The following DOP1B variants were observed in gnomAD, a reference collection of about 807,000 sequenced individuals.
DOP1B encodes the protein DOP1 leucine zipper like protein B, also known as protein DOP1B.
DOP1B carries 174 observed loss-of-function variants against 233.5 expected under a neutral mutation model. The observed-to-expected ratio is 0.75, with a 90% CI of 0.66 to 0.85. The LOEUF (loss-of-function observed/expected upper bound fraction) is 0.85. Among genes scored for constraint, DOP1B ranks in the 40% least tolerant of loss-of-function variants. DOP1B has a pLI of 0.00. For synonymous variants in DOP1B, 1,190 were observed against 1,185.6 expected (o/e 1.00, Z -0.08); for missense variants, 2,652 against 2,846.6 (o/e 0.93, Z 1.56).
At chr21:36,180,202 T>C (rs553720767) in intron 2 of DOP1B, among the ~76,000 whole-genome samples, 3 of 152,314 alleles carry the variant, frequency 2.0e-5, no homozygotes, top group Middle Eastern at 6.8e-3. Context: ...TAGATTATTC[T>C]GGGAAGAAGT....
At chr21:36,161,189 A>T (rs1286976296) in intron 1 of DOP1B, among the ~76,000 whole-genome samples, 4 of 151,992 alleles carry the variant, frequency 2.6e-5, no homozygotes, top group African/African-American at 9.7e-5. Flanking sequence ...TATGTCACCC[A>T]GGCTGGAGTG....
chr21:36,245,821 C>A lies in DOP1B; in HGVS notation c.3841C>A (p.Leu1281Ile). Residue 1281 changes from leucine to isoleucine, a missense_variant, in exon 19 of 37, where the codon CTC becomes ATC. Coordinates refer to ENST00000691173, the MANE Select transcript of DOP1B (RefSeq NM_001320714.2). The surrounding 1 kb of genome is among the most constrained non-coding windows in gnomAD (Gnocchi z 5.5). ...CGCGCACCTCAACCTCATCTCCAAC[C>A]TCCTCGCTCGCCACCAGGAGGCCCT... ...STAHLNLISN[L>I]LARHQEALIG... 6.2e-7 allele frequency: 1 copy of A among 1,613,960 alleles called. No homozygotes were observed. The highest frequency in any genetic ancestry group is 8.5e-7 in the Non-Finnish European group (1 of 1,180,008).
At chr21:36,210,152 T>C (rs1240425996) in intron 5 of DOP1B, among the ~76,000 whole-genome samples, 1 of 150,936 alleles carries the variant, frequency 6.6e-6, no homozygotes, top group South Asian at 2.1e-4. Context: ...CCAAATCTGC[T>C]AAGAGATTTG....
chr21:36,286,072 G>T (rs1467274547), intron 32 of DOP1B, among the ~76,000 whole-genome samples: 1 of 151,960 alleles, frequency 6.6e-6, no homozygotes, highest in East Asian at 1.9e-4. Context: ...GATACCGTTT[G>T]GGGTCCTTTT....
chr21:36,248,715 T>C, intron 21 of DOP1B, 147 bp downstream of exon 21: 1 of 792,848 alleles, frequency 1.3e-6, no homozygotes, highest in Non-Finnish European at 1.8e-6. Flanking sequence ...TCTAGTTCAT[T>C]TGTTATCAGT....
intron 2 of DOP1B, among the ~76,000 whole-genome samples, chr21:36,178,270 C>T (rs925254552): frequency 5.3e-5 from 8 of 152,080 alleles, no homozygotes; most frequent in Non-Finnish European, 7.4e-5. Context: ...GCAGGTGGAT[C>T]ACTTGAGCCC....
intron 28 of DOP1B, among the ~76,000 whole-genome samples, chr21:36,277,644 T>G (rs914659782): frequency 3.3e-5 from 5 of 151,644 alleles, no homozygotes; most frequent in African/African-American, 1.2e-4. Flanking sequence ...TTTTTTTTCT[T>G]TTTCTTTCTG....
chr21:36,278,596 G>A (rs559255709), intron 30 of DOP1B, among the ~76,000 whole-genome samples: 26 of 152,254 alleles, frequency 1.7e-4, no homozygotes, highest in African/African-American at 5.3e-4. Context: ...GGCTGGGCAC[G>A]GTGGCTCATG....
intron 13 of DOP1B, among the ~76,000 whole-genome samples, chr21:36,228,582 T>C (rs748943799): frequency 1.3e-5 from 2 of 151,808 alleles, no homozygotes; most frequent in African/African-American, 4.8e-5. Flanking sequence ...CTGGCTAACA[T>C]GGTGAAACCC....
intron 2 of DOP1B, among the ~76,000 whole-genome samples, chr21:36,176,097 C>CGTGTGCGTATGTGCGTGTGT (rs375729449): frequency 7.1e-6 from 1 of 141,744 alleles, no homozygotes; most frequent in South Asian, 2.3e-4. Context: ...GGTGTGTGTG[C>CGTGTGCGTATGTGCGTGTGT]GTGTGTGTGT....
chr21:36,224,963 G>T (rs922009518), intron 11 of DOP1B, among the ~76,000 whole-genome samples: 2 of 151,904 alleles, frequency 1.3e-5, no homozygotes, highest in South Asian at 4.2e-4. Context: ...GTGCTTTTGG[G>T]CTTGGACTGG....
At chr21:36,280,776 G>T (rs2067406290) in intron 31 of DOP1B, among the ~76,000 whole-genome samples, 1 of 152,102 alleles carries the variant, frequency 6.6e-6, no homozygotes, top group African/African-American at 2.4e-5. Context: ...GGCTGAGATG[G>T]GCGGATCACA....
intron 27 of DOP1B, among the ~76,000 whole-genome samples, chr21:36,270,980 A>G (rs1313676227): frequency 6.6e-6 from 1 of 151,786 alleles, no homozygotes; most frequent in Admixed American, 6.6e-5. Context: ...TTTTTTCACA[A>G]TGTATGCATA....
intron 24 of DOP1B, among the ~76,000 whole-genome samples, chr21:36,263,124 T>C (rs1459683771): frequency 6.6e-6 from 1 of 150,382 alleles, no homozygotes; most frequent in African/African-American, 2.5e-5. Flanking sequence ...ATCCCAGCTA[T>C]TCGGGAGGCT....
chr21:36,215,751 A>T (rs2066551415), intron 9 of DOP1B, among the ~76,000 whole-genome samples: 1 of 147,606 alleles, frequency 6.8e-6, no homozygotes. Flanking sequence ...ACGGTGGCTC[A>T]CACCTGTGAT....
At position 36,293,651 on chromosome 21, in the gene DOP1B, C is replaced by T; in HGVS notation, c.*80C>T. On this transcript the variant is annotated 3_prime_UTR_variant, in exon 37 of 37. Transcript: ENST00000691173. ...GTTATATTCTAAAGAAGAAAGAAGG[C>T]AGGATAGTGCTTTTGAACAAGCCTA... is the stretch of plus-strand genomic sequence containing the variant. 4 of 1,463,934 alleles carry T rather than the reference C, an allele frequency of 2.7e-6. No individual in the cohort carries two copies. The highest frequency in any genetic ancestry group is 2.8e-6 in the Non-Finnish European group (3 of 1,066,550). 90.7% of individuals were successfully genotyped at this position (1,463,934 alleles called of 1,614,324 possible).
At chr21:36,276,840 C>CAAAAAAA (rs57389991) in intron 27 of DOP1B, among the ~76,000 whole-genome samples, 181 bp from the exon 28 acceptor site, 9 of 106,250 alleles carry the variant, frequency 8.5e-5, no homozygotes, top group Non-Finnish European at 1.2e-4. Flanking sequence ...GACTCCATCT[C>CAAAAAAA]AAAAAAAAAA....
Position 36,269,296 on chromosome 21 carries a change from C to T in DOP1B, c.5488-717C>T, listed in dbSNP as rs562052851. ...TCAGCCTCCAAAGTAGCTGGGATTACAGGCATGCACCACCACACCCACCTA... is the reference window on the plus strand; with the variant it reads ...TCAGCCTCCAAAGTAGCTGGGATTATAGGCATGCACCACCACACCCACCTA... On this transcript the variant is annotated intron_variant, in intron 26 of 36. Transcript: ENST00000691173. 4.8e-4 allele frequency among the ~76,000 whole-genome samples: 73 copies of T among 152,046 alleles called. 1 individual carries two copies. The highest frequency in any genetic ancestry group is 1.5e-3 in the African/African-American group (62 of 41,472).
At chr21:36,225,511 G>A in intron 11 of DOP1B, 54 bp from the exon 12 acceptor site, 3 of 1,598,998 alleles carry the variant, frequency 1.9e-6, no homozygotes, top group East Asian at 2.2e-5. Flanking sequence ...GATTATAGGT[G>A]TGAGCCTCCA....
Sources: gnomAD v4.1 joint callset for allele counts (sites outside exome capture counted in the v4.1 genomes callset) on GRCh38, gnomAD v4.1.1 for gene constraint, Gnocchi (gnomAD v3.1) non-coding constraint, MANE v1.5 for transcripts, NCBI Gene and HGNC (gene_info 2026-07-23, HGNC 2026-07-21) for gene names.